The following AHSA1 variants were observed in gnomAD, a reference collection of about 807,000 sequenced individuals.
The protein encoded by AHSA1 is activator of HSP90 ATPase activity 1, also known as activator of 90 kDa heat shock protein ATPase homolog 1.
AHSA1 carries 14 observed loss-of-function variants against 46.1 expected under a neutral mutation model. The ratio of observed to expected loss-of-function variants is 0.30; its 90% CI spans 0.20 to 0.47. The LOEUF (loss-of-function observed/expected upper bound fraction) is 0.47. Among genes scored for constraint, AHSA1 ranks in the 20% least tolerant of loss-of-function variants. The pLI is 0.99. For synonymous variants in AHSA1, 147 were observed against 145.8 expected (o/e 1.01, Z -0.06); for missense variants, 333 against 415.9 (o/e 0.80, Z 1.73).
rs2079063518 is a variant in AHSA1, at chr14:77,469,290, C to G, written c.*41C>G. 2 of 1,600,348 alleles carry G rather than the reference C, an allele frequency of 1.2e-6. No homozygotes were observed. Among genetic ancestry groups the G allele is most frequent in the Non-Finnish European group, 1.7e-6 (2 of 1,171,838 alleles). On this transcript the variant is annotated 3_prime_UTR_variant, in exon 9 of 9. Coordinates refer to ENST00000216479, the MANE Select transcript of AHSA1 (RefSeq NM_012111.3). ...ACTCCAGCCTGCTGGACACTTCAGT[C>G]CAGCTCTCTCCTGACTGGGGCTTGC... is the stretch of plus-strand genomic sequence containing the variant.
chr14:77,463,420 C>T (rs1030916579), intron 4 of AHSA1, among the ~76,000 whole-genome samples: 9 of 151,858 alleles, frequency 5.9e-5, no homozygotes, highest in African/African-American at 2.2e-4. Context: ...AACCCCATCT[C>T]TACTAAAAAT....
At chr14:77,464,061 G>A (rs1938562718) in intron 4 of AHSA1, among the ~76,000 whole-genome samples, 1 of 152,250 alleles carries the variant, frequency 6.6e-6, no homozygotes, top group African/African-American at 2.4e-5. Context: ...AATGTTTCCA[G>A]TTGAGTCAGG....
intron 4 of AHSA1, chr14:77,463,040 G>T: frequency 3.4e-6 from 1 of 292,584 alleles, no homozygotes; most frequent in Non-Finnish European, 6.8e-6. Context: ...AGCACTGTTG[G>T]ATGCTGAGGT....
chr14:77,462,794 G>A (rs1332557249), intron 4 of AHSA1, 35 bp downstream of exon 4: 2 of 1,570,728 alleles, frequency 1.3e-6, no homozygotes, highest in Non-Finnish European at 1.8e-6. Context: ...CCTTAAGGAG[G>A]TAGTTTCCAC....
rs1336366318 is a variant in AHSA1 at position 77,462,261 on chromosome 14, C to T, written c.354+19C>T. 2 of 1,598,300 alleles carry T rather than the reference C, an allele frequency of 1.3e-6. No homozygotes were observed. The highest frequency in any genetic ancestry group is 1.3e-5 in the African/African-American group (1 of 74,590). Reference sequence around the variant, plus strand: ...AGTGGAGGTTTGTGCTTCATAACTCCTAATCCGAGTCCTCTATATCCTCTT... The same window carrying T: ...AGTGGAGGTTTGTGCTTCATAACTCTTAATCCGAGTCCTCTATATCCTCTT... On this transcript the variant is annotated intron_variant, in intron 3 of 8. Coordinates refer to ENST00000216479, the MANE Select transcript of AHSA1 (RefSeq NM_012111.3).
chr14:77,462,385 T>A, intron 3 of AHSA1, 143 bp downstream of exon 3: 1 of 841,056 alleles, frequency 1.2e-6, no homozygotes. Context: ...TCTAGGCATA[T>A]GGTGCCATTG....
chr14:77,465,503 A>G, intron 5 of AHSA1, 36 bp from the exon 6 acceptor site: 3 of 1,609,250 alleles, frequency 1.9e-6, no homozygotes, highest in Non-Finnish European at 2.5e-6. Flanking sequence ...TTGTATCATT[A>G]CTCTGTATTG....
chr14:77,465,082 T>G (rs901878035), intron 5 of AHSA1, among the ~76,000 whole-genome samples: 1 of 152,154 alleles, frequency 6.6e-6, no homozygotes, highest in African/African-American at 2.4e-5. Flanking sequence ...TCACCCAATC[T>G]CCCCAATTTT....
intron 7 of AHSA1, 60 bp from the exon 8 acceptor site, chr14:77,468,397 C>CT: frequency 6.7e-7 from 1 of 1,498,896 alleles, no homozygotes. Flanking sequence ...ATGACTGATC[C>CT]TAGCTAGGAT....
At chr14:77,465,453 A>G in intron 5 of AHSA1, 86 bp from the exon 6 acceptor site, 2 of 1,451,612 alleles carry the variant, frequency 1.4e-6, no homozygotes, top group South Asian at 1.3e-5. Flanking sequence ...TTTTATGAGA[A>G]TGAATGGTAC....
At chr14:77,462,357 C>T in intron 3 of AHSA1, 115 bp downstream of exon 3, 4 of 1,025,134 alleles carry the variant, frequency 3.9e-6, no homozygotes, top group Non-Finnish European at 5.8e-6. Flanking sequence ...ATTCAGAACC[C>T]TAGCCTGCAG....
chr14:77,465,556 A>G lies in AHSA1; in HGVS notation c.579A>G (p.Ser193=), dbSNP rs373169984. ...TEERKAKPAP[S]KTQARPVGVK... Reference sequence around the variant, plus strand: ...CTTCACAGGCTAAGCCTGCTCCTTCAAAAACCCAGGCCAGACCTGTTGGAG... The same window carrying G: ...CTTCACAGGCTAAGCCTGCTCCTTCGAAAACCCAGGCCAGACCTGTTGGAG... The change falls in exon 6 of 9, where the codon TCA becomes TCG. Residue 193 remains serine, a synonymous_variant. Coordinates refer to ENST00000216479, the MANE Select transcript of AHSA1 (RefSeq NM_012111.3). 3.0e-5 allele frequency: 49 copies of G among 1,613,760 alleles called. No individual in the cohort carries two copies. The highest frequency in any genetic ancestry group is 4.0e-5 in the Non-Finnish European group (47 of 1,179,780).
intron 4 of AHSA1, 38 bp from the exon 5 acceptor site, chr14:77,464,560 A>C: frequency 2.6e-6 from 4 of 1,557,992 alleles, no homozygotes; most frequent in Non-Finnish European, 3.5e-6. Flanking sequence ...TCAGCTACTA[A>C]GAAGTAACTT....
intron 6 of AHSA1, chr14:77,466,564 G>A (rs1227703154): frequency 1.3e-5 from 2 of 152,200 alleles, no homozygotes; most frequent in African/African-American, 4.8e-5. Context: ...AAATTAAGAG[G>A]TACCATGTAG....
At chr14:77,461,073 C>T (rs192730139) in intron 2 of AHSA1, among the ~76,000 whole-genome samples, 17 of 151,716 alleles carry the variant, frequency 1.1e-4, no homozygotes, top group African/African-American at 2.2e-4. Flanking sequence ...GCAGGAGAAT[C>T]GCTTGAACCC....
rs2139930224 is a variant in AHSA1, at chr14:77,458,094, G to T, written c.-96G>T. On this transcript the variant is annotated 5_prime_UTR_variant, in exon 1 of 9. Coordinates refer to ENST00000216479, the MANE Select transcript of AHSA1 (RefSeq NM_012111.3). ...CAGGAGGTGCTTGCGGCCGCTTCTA[G>T]TAGTTTCCAGGCGCTGCCGGGCGGC... 1.7e-6 allele frequency: 2 copies of T among 1,145,952 alleles called. No individual in the cohort carries two copies. Among genetic ancestry groups the T allele is most frequent in the South Asian group, 1.7e-5 (1 of 58,376 alleles). The allele number at this position is 1,145,952 out of a possible 1,614,324, so 71.0% of individuals were successfully genotyped here.
rs1347650496 is a variant in AHSA1, at chr14:77,469,273, C to T, written c.*24C>T. On this transcript the variant is annotated 3_prime_UTR_variant, in exon 9 of 9. Transcript: ENST00000216479. Reference sequence around the variant, plus strand: ...AGGGCCAGCGGCAGGGGACTCCAGCCTGCTGGACACTTCAGTCCAGCTCTC... The same window carrying T: ...AGGGCCAGCGGCAGGGGACTCCAGCTTGCTGGACACTTCAGTCCAGCTCTC... 1 of 1,610,950 alleles carries T rather than the reference C, an allele frequency of 6.2e-7. No individual in the cohort carries two copies. Among genetic ancestry groups the T allele is most frequent in the Non-Finnish European group, 8.5e-7 (1 of 1,178,042 alleles).
At chr14:77,463,635 T>C (rs947973726) in intron 4 of AHSA1, among the ~76,000 whole-genome samples, 1 of 151,646 alleles carries the variant, frequency 6.6e-6, no homozygotes, top group Non-Finnish European at 1.5e-5. Context: ...CACATTATAT[T>C]TCTAATGGAC....
chr14:77,463,329 C>T (rs930821512), intron 4 of AHSA1, among the ~76,000 whole-genome samples: 5 of 151,846 alleles, frequency 3.3e-5, no homozygotes, highest in African/African-American at 1.2e-4. Flanking sequence ...TGGCTCACAC[C>T]TATAATCCCA....
Sources: allele counts gnomAD v4.1 joint callset (sites outside exome capture counted in the v4.1 genomes callset), GRCh38; gene constraint gnomAD v4.1.1; transcripts MANE v1.5; gene names NCBI Gene and HGNC (gene_info 2026-07-23, HGNC 2026-07-21).